The following SLC2A9 variants were observed in gnomAD, a reference collection of about 807,000 sequenced individuals.
SLC2A9 encodes solute carrier family 2 member 9.
In SLC2A9, 39 loss-of-function variants were observed where a neutral mutation model predicts 50.6. That is an observed-to-expected ratio of 0.77 (90% CI 0.60 to 1.01). The LOEUF (loss-of-function observed/expected upper bound fraction) is 1.01. SLC2A9 is among the 50% of genes least tolerant of loss of function. The pLI, the probability that SLC2A9 is intolerant of heterozygous loss-of-function variation, is 0.00. For missense variants in SLC2A9, 686 were observed against 677.6 expected (o/e 1.01, Z -0.14); for synonymous variants, 324 against 276.9 (o/e 1.17, Z -1.69).
At chr4:9,835,096 C>A (rs1232930958) in intron 10 of SLC2A9, 88 bp from the exon 11 acceptor site, 28 of 1,588,668 alleles carry the variant, frequency 1.8e-5, no homozygotes, top group African/African-American at 2.7e-5. Flanking sequence ...ACTTTAGAAC[C>A]CCCCCACCCC....
chr4:10,007,888 A>C (rs1395174827), intron 2 of SLC2A9, among the ~76,000 whole-genome samples: 1 of 152,224 alleles, frequency 6.6e-6, no homozygotes, highest in Non-Finnish European at 1.5e-5. Flanking sequence ...CTTGTAGATG[A>C]GGCCGCCAGA....
chr4:9,775,937 C>T (rs1040049737), downstream of SLC2A9, among the ~76,000 whole-genome samples: 3 of 152,192 alleles, frequency 2.0e-5, no homozygotes, highest in Admixed American at 6.5e-5. Flanking sequence ...AAGGCTACTG[C>T]AGCAGCCGGG....
chr4:9,976,854 C>T (rs1408976779), intron 5 of SLC2A9, among the ~76,000 whole-genome samples: 3 of 152,208 alleles, frequency 2.0e-5, no homozygotes, highest in African/African-American at 7.2e-5. Context: ...CAGTTCACAT[C>T]AGTGAACTTG....
intron 6 of SLC2A9, among the ~76,000 whole-genome samples, chr4:9,939,204 A>G (rs111434108): frequency 6.6e-6 from 1 of 152,128 alleles, no homozygotes; most frequent in East Asian, 1.9e-4. Context: ...GCTAAGGCCA[A>G]CCTAGGTCAG....
At chr4:9,900,928 C>T (rs1042081687) in intron 8 of SLC2A9, among the ~76,000 whole-genome samples, 1 of 152,194 alleles carries the variant, frequency 6.6e-6, no homozygotes, top group African/African-American at 2.4e-5. Flanking sequence ...CCTCCCATGA[C>T]ACATGGGGAT....
intron 5 of SLC2A9, among the ~76,000 whole-genome samples, chr4:9,976,754 C>T (rs1031683358): frequency 2.0e-5 from 3 of 152,168 alleles, no homozygotes; most frequent in African/African-American, 7.2e-5. Flanking sequence ...GTTCATGAGC[C>T]CTGTTCCTGG....
intron 8 of SLC2A9, among the ~76,000 whole-genome samples, chr4:9,898,543 C>T (rs1166443021): frequency 6.6e-6 from 1 of 152,256 alleles, no homozygotes; most frequent in African/African-American, 2.4e-5. Context: ...GAGTTCCTGA[C>T]TTTCTCAGGG....
intron 3 of SLC2A9, chr4:9,782,766 C>A: frequency 6.2e-7 from 1 of 1,614,006 alleles, no homozygotes; most frequent in Non-Finnish European, 8.5e-7. Flanking sequence ...GTGACCTACA[C>A]GCGCATCTAC....
chr4:9,782,931 T>A (rs1718683352), intron 3 of SLC2A9: 1 of 1,613,814 alleles, frequency 6.2e-7, no homozygotes, highest in Admixed American at 1.7e-5. Flanking sequence ...CTGTCGGTGA[T>A]CATGGGGGTC....
rs34145578 is a variant in SLC2A9, at chr4:9,780,406, C to T, written n.386-341G>A. 3.8e-3 allele frequency among the ~76,000 whole-genome samples: 580 copies of T among 152,184 alleles called. 1 individual carries two copies. The highest frequency in any genetic ancestry group is 6.7e-3 in the South Asian group (32 of 4,812). Reference sequence around the variant, plus strand: ...AGGTTTAGGCACCTGGACAGATGGTCTTGCCCTCTCCAGCGGCAAAAAGCA... The same window carrying T: ...AGGTTTAGGCACCTGGACAGATGGTTTTGCCCTCTCCAGCGGCAAAAAGCA... On this transcript the variant is annotated intron_variant and non_coding_transcript_variant, in intron 3 of 3. Coordinates refer to the SLC2A9 transcript ENST00000503803.
intron 10 of SLC2A9, among the ~76,000 whole-genome samples, chr4:9,886,963 T>C (rs1736382914): frequency 6.6e-6 from 1 of 152,196 alleles, no homozygotes; most frequent in Non-Finnish European, 1.5e-5. Flanking sequence ...GGGCTAGAAG[T>C]GAGTCCCAGG....
intron 8 of SLC2A9, among the ~76,000 whole-genome samples, chr4:9,893,955 G>A (rs1022507232): frequency 2.0e-5 from 3 of 152,220 alleles, no homozygotes; most frequent in Non-Finnish European, 4.4e-5. Context: ...CAGAGGCCAA[G>A]AGTGATTATG....
intron 10 of SLC2A9, among the ~76,000 whole-genome samples, chr4:9,860,658 C>G (rs1207685827): frequency 6.6e-6 from 1 of 152,258 alleles, no homozygotes; most frequent in Non-Finnish European, 1.5e-5. Context: ...GGACTTCAGG[C>G]CAGCCTGGCT....
At chr4:9,829,346 C>A (rs1335653429) in intron 11 of SLC2A9, among the ~76,000 whole-genome samples, 1 of 151,648 alleles carries the variant, frequency 6.6e-6, no homozygotes, top group Non-Finnish European at 1.5e-5. Flanking sequence ...ACACCTTATA[C>A]AAAAATTAAC....
chr4:9,882,555 A>C (rs575303418), intron 10 of SLC2A9, among the ~76,000 whole-genome samples: 24 of 152,082 alleles, frequency 1.6e-4, no homozygotes, highest in African/African-American at 5.3e-4. Context: ...AAAAATACAA[A>C]AAAATTAGCC....
intron 3 of SLC2A9, among the ~76,000 whole-genome samples, chr4:9,802,944 C>T (rs1721653899): frequency 6.6e-6 from 1 of 152,158 alleles, no homozygotes; most frequent in African/African-American, 2.4e-5. Context: ...CCGAAGACCC[C>T]AATTAACTTC....
In SLC2A9 at chr4:9,826,583, G is replaced by A. The variant is rs1470867688; in HGVS notation, c.1437C>T (p.Tyr479=). The change falls in exon 12 of 12, where the codon TAC becomes TAT. Residue 479 remains tyrosine (Y), a synonymous_variant. Coordinates refer to ENST00000264784, the MANE Select transcript of SLC2A9 (RefSeq NM_020041.3). ...FPFIQKSLDT[Y]CFLVFATICI... The stretch of plus-strand genomic sequence containing the variant: ...AAATTGTAGCAAAGACTAGGAAACA[G>A]TAGGTGTCCAGACTTTTCTGTGGAA... The A allele has an allele frequency of 6.2e-7, 1 of 1,614,042 alleles. No individual in the cohort carries two copies. Among genetic ancestry groups the A allele is most frequent in the Non-Finnish European group, 8.5e-7 (1 of 1,179,928 alleles).
chr4:9,849,114 C>T (rs1729464474), intron 10 of SLC2A9, among the ~76,000 whole-genome samples: 1 of 152,108 alleles, frequency 6.6e-6, no homozygotes, highest in Non-Finnish European at 1.5e-5. Flanking sequence ...GAGGGGCCAG[C>T]AGGGGTGGAT....
intron 2 of SLC2A9, among the ~76,000 whole-genome samples, chr4:10,007,507 A>G (rs1441106476): frequency 6.6e-6 from 1 of 152,238 alleles, no homozygotes; most frequent in East Asian, 1.9e-4. Context: ...GGGGGCAGCC[A>G]AATGCTTGGG....
Sources: gnomAD v4.1 joint callset for allele counts (sites outside exome capture counted in the v4.1 genomes callset) on GRCh38, gnomAD v4.1.1 for gene constraint, MANE v1.5 for transcripts, NCBI Gene and HGNC (gene_info 2026-07-23, HGNC 2026-07-21) for gene names.